Variants in SYNE2 observed in about 807,000 individuals in gnomAD.
The protein encoded by SYNE2 is nesprin-2.
SYNE2 carries 431 observed loss-of-function variants against 856.3 expected under a neutral mutation model. The observed-to-expected ratio is 0.50, with a 90% CI of 0.47 to 0.55. The LOEUF (loss-of-function observed/expected upper bound fraction) is 0.55. Ranked by LOEUF, SYNE2 falls within the 20% of genes least tolerant of loss-of-function variation. The pLI, the probability that SYNE2 is intolerant of heterozygous loss-of-function variation, is 0.00. For synonymous variants in SYNE2, 2,923 were observed against 2,872.3 expected, an observed-to-expected ratio of 1.02 and a Z score of -0.56; for missense variants, 8,129 against 8,023.2, an observed-to-expected ratio of 1.01 and a Z score of -0.50.
Position 64,121,966 on chromosome 14 carries a change from C to T in SYNE2, c.13159-46C>T, listed in dbSNP as rs1316963622. 4.3e-6 allele frequency: 7 copies of T among 1,610,740 alleles called. No homozygotes were observed. The Admixed American group carries it at 5.0e-5, about 12-fold the overall frequency. ...GCAGAGGAAACTAGTGGGTACTAAT[C>T]GAAAAGCTTGATGGATTGGACCATT... On this transcript the variant is annotated intron_variant, in intron 68 of 115. Transcript: ENST00000555002.
intron 1 of SYNE2, among the ~76,000 whole-genome samples, chr14:63,882,756 G>T (rs932169170): frequency 5.9e-5 from 9 of 152,062 alleles, no homozygotes; most frequent in African/African-American, 2.2e-4. Flanking sequence ...TTGTGGAAAG[G>T]TTACTTATCT....
At chr14:63,963,625 A>G (rs2096351202) in intron 9 of SYNE2, among the ~76,000 whole-genome samples, 1 of 152,210 alleles carries the variant, frequency 6.6e-6, no homozygotes, top group South Asian at 2.1e-4. Flanking sequence ...CCTGCTATAA[A>G]GAAGTGATTT....
intron 55 of SYNE2, 75 bp downstream of exon 55, chr14:64,078,681 G>A (rs2097491339): frequency 1.3e-6 from 2 of 1,553,826 alleles, no homozygotes. Context: ...AGTCACCACA[G>A]GGTGAGTTCT....
chr14:64,032,821 G>A (rs2097051397), intron 45 of SYNE2, among the ~76,000 whole-genome samples: 3 of 152,302 alleles, frequency 2.0e-5, no homozygotes, highest in African/African-American at 7.2e-5. Flanking sequence ...AGATCAGTGA[G>A]TGAGGCTCTT....
chr14:63,849,715 C>T (rs370615381), upstream of SYNE2, among the ~76,000 whole-genome samples: 6 of 152,262 alleles, frequency 3.9e-5, no homozygotes, highest in South Asian at 2.1e-4. Context: ...GCCATGAGAT[C>T]GGGCGACAGG....
chr14:64,021,292 C>T lies in SYNE2; in HGVS notation c.5152-23C>T, dbSNP rs2096934078. 1.9e-6 allele frequency: 3 copies of T among 1,582,952 alleles called. 1 individual carries two copies. The South Asian group carries it at 3.3e-5, about 18-fold the overall frequency. On this transcript the variant is annotated intron_variant, in intron 35 of 115. Transcript: ENST00000555002. Reference sequence around the variant, plus strand: ...TAGTTAAATAATGACTGTTATACAACTTCATATATTTCATGATTTCAGGTC... The same window carrying T: ...TAGTTAAATAATGACTGTTATACAATTTCATATATTTCATGATTTCAGGTC...
rs766912711 is a variant in SYNE2, at chr14:63,998,212, C to T, written c.3244-7C>T. 1.9e-6 allele frequency: 3 copies of T among 1,597,244 alleles called. No homozygotes were observed. The highest frequency in any genetic ancestry group is 1.7e-5 in the Admixed American group (1 of 60,002). ...TATTTCGTTTACTATTTTGCATATT[C>T]CCTTAGGCAATGGAACCCACTATGA... On this transcript the variant is annotated splice_polypyrimidine_tract_variant and splice_region_variant and intron_variant, in intron 25 of 115. Transcript: ENST00000555002.
At chr14:63,911,441 CTT>C (rs1242569411) in intron 2 of SYNE2, among the ~76,000 whole-genome samples, 1 of 152,104 alleles carries the variant, frequency 6.6e-6, no homozygotes, top group African/African-American at 2.4e-5. Flanking sequence ...GACATTTTGA[CTT>C]TTATGTAGCA....
At chr14:63,904,322 C>A (rs998251613) in intron 1 of SYNE2, among the ~76,000 whole-genome samples, 2 of 152,078 alleles carry the variant, frequency 1.3e-5, no homozygotes, top group Non-Finnish European at 2.9e-5. Flanking sequence ...ATCTGTTTTC[C>A]TTTGGGTATA....
Position 64,152,179 on chromosome 14 carries a change from A to C in SYNE2, c.15640-385A>C, listed in dbSNP as rs1244916562. On this transcript the variant is annotated intron_variant, in intron 84 of 115. Coordinates refer to ENST00000555002, the MANE Select transcript of SYNE2 (RefSeq NM_182914.3). Reference sequence around the variant, plus strand: ...AAGGCACCTTCTTGCTCGTGATTTTATTTGAGTTCTTAGCTTGGCACACAT... The same window carrying C: ...AAGGCACCTTCTTGCTCGTGATTTTCTTTGAGTTCTTAGCTTGGCACACAT... Among the ~76,000 whole-genome samples the C allele has an allele frequency of 6.6e-5, 10 of 152,210 alleles. No homozygotes were observed. The East Asian group carries it at 1.9e-3, about 29-fold the overall frequency.
At chr14:64,057,597 A>C (rs975813217) in intron 49 of SYNE2, among the ~76,000 whole-genome samples, 1 of 152,180 alleles carries the variant, frequency 6.6e-6, no homozygotes, top group African/African-American at 2.4e-5. Context: ...GAGTGCAGCT[A>C]TCTCTTCAAT....
At chr14:64,145,575 A>T (rs1031587360) in intron 83 of SYNE2, among the ~76,000 whole-genome samples, 1 of 152,074 alleles carries the variant, frequency 6.6e-6, no homozygotes, top group Non-Finnish European at 1.5e-5. Context: ...GAATATAAAA[A>T]TGTGTGTATA....
chr14:63,769,668 C>A (rs1352860829), intron 1 of SYNE2, among the ~76,000 whole-genome samples: 153 of 86,330 alleles, frequency 1.8e-3, no homozygotes, highest in South Asian at 4.2e-3. Context: ...GACTCCATCT[C>A]AAAAAAAAAA....
chr14:63,825,562 G>C (rs1889396363), intron 1 of SYNE2, among the ~76,000 whole-genome samples: 6 of 151,992 alleles, frequency 3.9e-5, no homozygotes, highest in Admixed American at 3.9e-4. Context: ...TTATTCAATG[G>C]AAACTACAAA....
chr14:63,895,486 G>A (rs2095232871), intron 1 of SYNE2, among the ~76,000 whole-genome samples: 1 of 149,788 alleles, frequency 6.7e-6, no homozygotes, highest in African/African-American at 2.5e-5. Flanking sequence ...AGGAAGGGTG[G>A]TTCACACCTG....
At chr14:64,218,627 C>G in intron 109 of SYNE2, 115 bp downstream of exon 109, 1 of 977,892 alleles carries the variant, frequency 1.0e-6, no homozygotes, top group Non-Finnish European at 1.6e-6. Flanking sequence ...AACTGGGGGA[C>G]TTACCCTACA....
intron 2 of SYNE2, among the ~76,000 whole-genome samples, chr14:63,931,067 A>G (rs1253410325): frequency 3.3e-5 from 5 of 152,164 alleles, no homozygotes; most frequent in African/African-American, 1.2e-4. Context: ...CATTGTCATC[A>G]TAGAATAGAG....
At chr14:63,903,953 T>C (rs2095373207) in intron 1 of SYNE2, among the ~76,000 whole-genome samples, 1 of 152,158 alleles carries the variant, frequency 6.6e-6, no homozygotes, top group South Asian at 2.1e-4. Flanking sequence ...TAGGTTGTTT[T>C]TCAACCCATG....
In SYNE2 at chr14:64,132,384, A is replaced by G. The variant is rs574306382; in HGVS notation, c.14460A>G (p.Lys4820=). Residue 4820 remains lysine, a synonymous_variant, in exon 77 of 116, where the codon AAA becomes AAG. Transcript: ENST00000555002. The stretch of plus-strand genomic sequence containing the variant: ...GGGCAGAACAAGTAACAGAAGTTAA[A>G]ATACTAGAAGAAAAGTCACGCCAAT... ...TFWAEQVTEV[K]ILEEKSRQCG... is the part of the protein sequence containing the mutation. 6.2e-7 allele frequency: 1 copy of G among 1,614,218 alleles called. No individual in the cohort carries two copies. The highest frequency in any genetic ancestry group is 8.5e-7 in the Non-Finnish European group (1 of 1,180,032).
Sources: allele counts gnomAD v4.1 joint callset (sites outside exome capture counted in the v4.1 genomes callset), GRCh38; gene constraint gnomAD v4.1.1; transcripts MANE v1.5; gene names NCBI Gene and HGNC (gene_info 2026-07-23, HGNC 2026-07-21).